The following PRIM2 variants were observed in gnomAD, a reference collection of about 807,000 sequenced individuals.
PRIM2 encodes the protein DNA primase subunit 2.
PRIM2 carries 39 observed loss-of-function variants against 67.3 expected under a neutral mutation model. That is an observed-to-expected ratio of 0.58 (90% CI 0.45 to 0.76). The LOEUF is 0.76. PRIM2 is among the 30% of genes least tolerant of loss of function. The probability of loss-of-function intolerance (pLI) is 0.00; values close to 1 mark genes in which losing one functional copy is unlikely to be tolerated. For synonymous variants in PRIM2, 143 were observed against 198.7 expected (o/e 0.72, Z 2.36); for missense variants, 398 against 598.7 (o/e 0.66, Z 3.50).
At chr6:57,405,244 G>T (rs12205821) in intron 7 of PRIM2, among the ~76,000 whole-genome samples, 4 of 152,270 alleles carry the variant, frequency 2.6e-5, no homozygotes, top group African/African-American at 9.6e-5. Flanking sequence ...TACAAAGAAA[G>T]ATGCATCACC....
chr6:57,300,974 G>C, the PRIM2 span, among the ~76,000 whole-genome samples: 1 of 152,148 alleles, frequency 6.6e-6, no homozygotes, highest in African/African-American at 2.4e-5. Context: ...TGATGCTTTA[G>C]GGCTATTTAT....
chr6:57,467,625 A>G (rs2127400416), intron 7 of PRIM2, among the ~76,000 whole-genome samples: 1 of 152,252 alleles, frequency 6.6e-6, no homozygotes, highest in African/African-American at 2.4e-5. Context: ...TTTTGGTTCC[A>G]TGTGAAATTT....
intron 8 of PRIM2, among the ~76,000 whole-genome samples, chr6:57,520,200 T>C (rs1554348756): frequency 6.6e-6 from 1 of 152,196 alleles, no homozygotes; most frequent in Non-Finnish European, 1.5e-5. Flanking sequence ...GTGGCAGTTA[T>C]TGGGGAACAA....
intron 5 of PRIM2, among the ~76,000 whole-genome samples, chr6:57,340,802 C>T (rs1455587377): frequency 3.3e-5 from 5 of 152,174 alleles, no homozygotes; most frequent in Admixed American, 6.5e-5. Context: ...CACATGTATA[C>T]ATATGTAACA....
chr6:57,530,243 A>G (rs1211820932), intron 8 of PRIM2, among the ~76,000 whole-genome samples: 1 of 152,216 alleles, frequency 6.6e-6, no homozygotes, highest in Non-Finnish European at 1.5e-5. Context: ...ATTCAAGTTT[A>G]CATAGCAAAT....
At chr6:57,335,574 A>T (rs571718232) in intron 5 of PRIM2, among the ~76,000 whole-genome samples, 1 of 152,308 alleles carries the variant, frequency 6.6e-6, no homozygotes, top group South Asian at 2.1e-4. Context: ...GAGCAGCCTA[A>T]CTGGGAGGCA....
intron 10 of PRIM2, among the ~76,000 whole-genome samples, chr6:57,565,367 T>C (rs1198817822): frequency 6.7e-6 from 1 of 148,922 alleles, no homozygotes; most frequent in Non-Finnish European, 1.5e-5. Context: ...ATATTTTTTA[T>C]GAGGAACTGG....
At chr6:57,241,223 CAAA>C in the PRIM2 span, among the ~76,000 whole-genome samples, 3 of 95,896 alleles carry the variant, frequency 3.1e-5, no homozygotes, top group African/African-American at 4.0e-5. Flanking sequence ...GACTCTGTCT[CAAA>C]AAAAAAAAAA....
intron 4 of PRIM2, among the ~76,000 whole-genome samples, chr6:57,325,207 A>C (rs2127274526): frequency 6.6e-6 from 1 of 152,294 alleles, no homozygotes; most frequent in East Asian, 1.9e-4. Flanking sequence ...TGCCTTAAAA[A>C]ATTTGGTGTC....
At chr6:57,246,318 G>A in the PRIM2 span, among the ~76,000 whole-genome samples, 239 of 152,294 alleles carry the variant, frequency 1.6e-3, 1 homozygote, top group Middle Eastern at 3.4e-3. Context: ...GAGGCCAACA[G>A]AAAATGGCTA....
intron 7 of PRIM2, among the ~76,000 whole-genome samples, chr6:57,408,303 G>C (rs1189585315): frequency 1.3e-5 from 2 of 152,144 alleles, no homozygotes; most frequent in African/African-American, 4.8e-5. Flanking sequence ...CAGAGGGAGA[G>C]GGGGCTCCAA....
intron 7 of PRIM2, among the ~76,000 whole-genome samples, chr6:57,480,650 G>A (rs1562772520): frequency 1.3e-5 from 2 of 152,116 alleles, no homozygotes; most frequent in South Asian, 4.2e-4. Flanking sequence ...TCCTTTTTGA[G>A]ATGGAGTCTC....
chr6:57,294,636 T>C, the PRIM2 span, among the ~76,000 whole-genome samples: 3 of 151,366 alleles, frequency 2.0e-5, no homozygotes, highest in African/African-American at 4.8e-5. Flanking sequence ...TATACATATA[T>C]AACATATGTG....
intron 7 of PRIM2, among the ~76,000 whole-genome samples, chr6:57,430,942 A>C (rs536395866): frequency 6.6e-6 from 1 of 152,320 alleles, no homozygotes; most frequent in Non-Finnish European, 1.5e-5. Flanking sequence ...GACTGATTGT[A>C]GAACATCAAA....
chr6:57,539,795 A>C (rs1478845120), intron 10 of PRIM2, among the ~76,000 whole-genome samples: 1 of 152,004 alleles, frequency 6.6e-6, no homozygotes, highest in African/African-American at 2.4e-5. Context: ...GGAGTTCAAG[A>C]CCAGCCTGGC....
chr6:57,331,449 C>T (rs1330064408), intron 5 of PRIM2, among the ~76,000 whole-genome samples: 1 of 151,996 alleles, frequency 6.6e-6, no homozygotes, highest in African/African-American at 2.4e-5. Context: ...AATGTTTCCT[C>T]CTCTTCCGTT....
At chr6:57,292,189 C>T in the PRIM2 span, among the ~76,000 whole-genome samples, 1 of 152,070 alleles carries the variant, frequency 6.6e-6, no homozygotes, top group African/African-American at 2.4e-5. Context: ...ACAAGCATTC[C>T]TATACACCAA....
chr6:57,410,919 G>A (rs1161808230), intron 7 of PRIM2, among the ~76,000 whole-genome samples: 104 of 149,038 alleles, frequency 7.0e-4, no homozygotes, highest in African/African-American at 2.5e-3. Flanking sequence ...TCTGTTTCTC[G>A]TTTGCTTTTT....
rs1001512318 is a variant in PRIM2, at chr6:57,440,559, GAT to G, written c.693+58392_693+58393del. 2.8e-4 allele frequency among the ~76,000 whole-genome samples: 42 copies of G among 152,194 alleles called. 1 individual carries two copies. The highest frequency in any genetic ancestry group is 9.9e-4 in the African/African-American group (41 of 41,448). ...TAATTGTAGTTGTTTGTAGATAGCT[GAT>G]TAACTTTGAAGCATATACATATATT... is the stretch of plus-strand genomic sequence containing the variant. On this transcript the variant is annotated intron_variant, in intron 7 of 13. Coordinates refer to ENST00000615550, the MANE Select transcript of PRIM2 (RefSeq NM_000947.5).
Sources: gnomAD v4.1 joint callset for allele counts (sites outside exome capture counted in the v4.1 genomes callset) on GRCh38, gnomAD v4.1.1 for gene constraint, MANE v1.5 for transcripts, NCBI Gene and HGNC (gene_info 2026-07-23, HGNC 2026-07-21) for gene names.